KPNA7: variants seen among roughly 807,000 people sequenced by gnomAD.
KPNA7 encodes the protein importin subunit alpha-8.
A neutral mutation model predicts 53.7 loss-of-function variants in KPNA7; 54 were observed. The observed-to-expected ratio is 1.01, with a 90% CI of 0.81 to 1.26. The LOEUF (loss-of-function observed/expected upper bound fraction) is 1.26. KPNA7 is among the 50% of genes most tolerant of loss of function. The pLI is 0.00. For synonymous variants in KPNA7, 276 were observed against 259.3 expected (o/e 1.06, Z -0.62); for missense variants, 640 against 644.5 (o/e 0.99, Z 0.07).
chr7:99,181,915 T>C lies in KPNA7; in HGVS notation c.1285A>G (p.Ile429Val). The C allele has an allele frequency of 2.6e-6, 4 of 1,550,748 alleles. No homozygotes were observed. Among genetic ancestry groups the C allele is most frequent in the Non-Finnish European group, 3.5e-6 (4 of 1,146,196 alleles). ...LTAPDVKIVL[I>V]ILDVISCILQ... is the part of the protein sequence containing the mutation. The stretch of plus-strand genomic sequence containing the variant: ...ATGCAAGAGATGACATCAAGGATGA[T>C]GAGAACAATTTTAACATCTGGGGCA... The change falls in exon 9 of 11, where the codon ATC becomes GTC. Residue 429 changes from isoleucine (I) to valine (V), a missense_variant. Transcript: ENST00000327442.
the KPNA7 span, among the ~76,000 whole-genome samples, chr7:99,163,112 C>T: frequency 6.6e-6 from 1 of 151,254 alleles, no homozygotes; most frequent in African/African-American, 2.4e-5. Context: ...ACCTGGGAGG[C>T]GGAGGTTGCA....
the KPNA7 span, among the ~76,000 whole-genome samples, chr7:99,145,834 T>G: frequency 6.6e-6 from 1 of 151,966 alleles, no homozygotes; most frequent in Non-Finnish European, 1.5e-5. Context: ...GAAAGCAGAG[T>G]CTCTCCTGGG....
chr7:99,161,724 C>A, the KPNA7 span, among the ~76,000 whole-genome samples: 1 of 152,126 alleles, frequency 6.6e-6, no homozygotes, highest in Admixed American at 6.6e-5. Context: ...TTGAGGATAA[C>A]CATTTTTGCA....
At chr7:99,151,266 TTC>T in the KPNA7 span, among the ~76,000 whole-genome samples, 1 of 152,130 alleles carries the variant, frequency 6.6e-6, no homozygotes, top group South Asian at 2.1e-4. Context: ...TGCCTAGGAC[TTC>T]TCTGAACCTA....
upstream of KPNA7, among the ~76,000 whole-genome samples, chr7:99,212,110 G>C (rs1373142546): frequency 6.6e-6 from 1 of 152,008 alleles, no homozygotes; most frequent in South Asian, 2.1e-4. Flanking sequence ...GCTCGAGGTA[G>C]CTTTACTCCT....
chr7:99,152,000 C>T, the KPNA7 span, among the ~76,000 whole-genome samples: 61 of 151,802 alleles, frequency 4.0e-4, no homozygotes, highest in African/African-American at 1.4e-3. Flanking sequence ...CTGGCTAACA[C>T]GGTGAAAGCC....
At position 99,173,698 on chromosome 7, in the gene KPNA7, G is replaced by C; in HGVS notation, c.*10C>G. 6.5e-7 allele frequency: 1 copy of C among 1,534,282 alleles called. No individual in the cohort carries two copies. The highest frequency in any genetic ancestry group is 1.2e-5 in the South Asian group (1 of 83,456). On this transcript the variant is annotated 3_prime_UTR_variant, in exon 11 of 11. Transcript: ENST00000327442. ...CACTGGGTTGTTGGTTTAGGAGGTA[G>C]GGAGCTTGGCTATTTTTTTGCTAAG... is the stretch of plus-strand genomic sequence containing the variant.
intron 9 of KPNA7, among the ~76,000 whole-genome samples, chr7:99,179,989 T>C (rs1362987806): frequency 6.6e-6 from 1 of 152,068 alleles, no homozygotes; most frequent in Non-Finnish European, 1.5e-5. Flanking sequence ...CCCACCCACA[T>C]TGAATGGGGA....
chr7:99,186,981 A>G (rs1789627599), intron 7 of KPNA7, among the ~76,000 whole-genome samples: 3 of 152,198 alleles, frequency 2.0e-5, no homozygotes, highest in South Asian at 2.1e-4. Context: ...GATGTAGGTG[A>G]CATGTTTAAT....
chr7:99,177,624 C>A (rs889275224), intron 10 of KPNA7, among the ~76,000 whole-genome samples: 3 of 150,848 alleles, frequency 2.0e-5, no homozygotes, highest in African/African-American at 7.3e-5. Flanking sequence ...AATCCTCTCC[C>A]CTGCCATACC....
chr7:99,175,741 T>G (rs1442449350), intron 10 of KPNA7, among the ~76,000 whole-genome samples: 1 of 151,812 alleles, frequency 6.6e-6, no homozygotes, highest in Non-Finnish European at 1.5e-5. Context: ...CTTGAACTCC[T>G]AACCTCGTGA....
chr7:99,217,029 G>A (rs186264470), intron 1 of KPNA7, among the ~76,000 whole-genome samples: 94 of 152,324 alleles, frequency 6.2e-4, no homozygotes, highest in Non-Finnish European at 1.1e-3. Flanking sequence ...TTCATGAACT[G>A]AGAACCATTT....
Position 99,188,250 on chromosome 7 carries a change from G to A in KPNA7, c.900+50C>T, listed in dbSNP as rs1482208823. 4 of 1,503,726 alleles carry A rather than the reference G, an allele frequency of 2.7e-6. No homozygotes were observed. The East Asian group carries it at 7.8e-5, about 29-fold the overall frequency. The allele number at this position is 1,503,726 out of a possible 1,614,324, so 93.1% of individuals were successfully genotyped here. On this transcript the variant is annotated intron_variant, in intron 7 of 10. Transcript: ENST00000327442. The stretch of plus-strand genomic sequence containing the variant: ...AAACCTTGCCCCAGAACCTGCTAAA[G>A]TGACTATGACCCGAGGACTCGAATC...
chr7:99,164,739 C>T, the KPNA7 span, among the ~76,000 whole-genome samples: 1 of 152,298 alleles, frequency 6.6e-6, no homozygotes, highest in South Asian at 2.1e-4. Context: ...CACAGCAGGG[C>T]TTGCCACTGG....
chr7:99,208,412 C>T (rs553066360), upstream of KPNA7, among the ~76,000 whole-genome samples: 8 of 152,276 alleles, frequency 5.3e-5, no homozygotes, highest in East Asian at 5.8e-4. Flanking sequence ...CCTGCCACCA[C>T]GCTCAGCAAA....
At chr7:99,189,155 A>T (rs2150736770) in intron 6 of KPNA7, among the ~76,000 whole-genome samples, 1 of 152,328 alleles carries the variant, frequency 6.6e-6, no homozygotes, top group Admixed American at 6.5e-5. Context: ...ACTGACAACA[A>T]GATCAAGCAG....
At chr7:99,171,117 G>A (rs995212342), downstream of KPNA7, among the ~76,000 whole-genome samples, 3 of 152,202 alleles carry the variant, frequency 2.0e-5, no homozygotes, top group African/African-American at 4.8e-5. Context: ...CTACTCGGGA[G>A]GCTGAGGCAG....
chr7:99,206,866 C>G (rs1265265241), intron 2 of KPNA7, among the ~76,000 whole-genome samples: 1 of 152,130 alleles, frequency 6.6e-6, no homozygotes, highest in Non-Finnish European at 1.5e-5. Flanking sequence ...AGTTGTCTGG[C>G]TCCTAAGTCC....
chr7:99,171,012 A>G (rs116677148), downstream of KPNA7, among the ~76,000 whole-genome samples: 1,789 of 152,168 alleles, frequency 0.012, 33 homozygotes, highest in African/African-American at 0.041. Flanking sequence ...TCAGGAGTTC[A>G]AGACTAGCCT....
Sources: allele counts gnomAD v4.1 joint callset (sites outside exome capture counted in the v4.1 genomes callset), GRCh38; gene constraint gnomAD v4.1.1; transcripts MANE v1.5; gene names NCBI Gene and HGNC (gene_info 2026-07-23, HGNC 2026-07-21).